PACRGL: variants seen among roughly 807,000 people sequenced by gnomAD.
The protein encoded by PACRGL is PACRG-like protein.
Under a neutral mutation model 34.5 loss-of-function variants are expected in PACRGL, and 38 were observed. The observed-to-expected ratio is 1.10, with a 90% CI of 0.85 to 1.44. PACRGL has a LOEUF of 1.44. Ranked by LOEUF, PACRGL falls within the 40% of genes most tolerant of loss-of-function variation. The probability of loss-of-function intolerance (pLI) is 0.00; values close to 1 mark genes in which losing one functional copy is unlikely to be tolerated. For missense variants in PACRGL, 305 were observed against 281.4 expected (o/e 1.08, Z -0.60); for synonymous variants, 128 against 100.1 (o/e 1.28, Z -1.66).
chr4:20,723,118 A>G (rs1744128844), intron 7 of PACRGL, among the ~76,000 whole-genome samples: 1 of 152,182 alleles, frequency 6.6e-6, no homozygotes, highest in Non-Finnish European at 1.5e-5. Context: ...GTGAGGTTTC[A>G]GGTGAGGAGA....
chr4:20,716,771 G>C, intron 7 of PACRGL, among the ~76,000 whole-genome samples: 1 of 152,124 alleles, frequency 6.6e-6, no homozygotes, highest in Non-Finnish European at 1.5e-5. Context: ...CTTTGCTATT[G>C]TGAATAGTGC....
rs754674116 is a variant in PACRGL at position 20,732,509 on chromosome 4, C to T, written c.*5168C>T. On this transcript the variant is annotated 3_prime_UTR_variant, in exon 9 of 9. Coordinates refer to ENST00000503585, the MANE Select transcript of PACRGL (RefSeq NM_001258345.3). ...GTGAATGTTCAATAAATGCAGTTATCAGCATTGTAAATTCAAAACCAAAGC... is the reference window on the plus strand; with the variant it reads ...GTGAATGTTCAATAAATGCAGTTATTAGCATTGTAAATTCAAAACCAAAGC... Among the ~76,000 whole-genome samples the T allele has an allele frequency of 2.0e-5, 3 of 152,196 alleles. No individual in the cohort carries two copies. Among genetic ancestry groups the T allele is most frequent in the Non-Finnish European group, 2.9e-5 (2 of 68,028 alleles).
upstream of PACRGL, among the ~76,000 whole-genome samples, chr4:20,699,082 G>A (rs1208686144): frequency 6.6e-6 from 1 of 152,164 alleles, no homozygotes; most frequent in Non-Finnish European, 1.5e-5. Context: ...GTCCAGGGAG[G>A]AGGGGTTAAA....
At chr4:20,715,030 T>G (rs1481948229) in intron 7 of PACRGL, among the ~76,000 whole-genome samples, 1 of 152,160 alleles carries the variant, frequency 6.6e-6, no homozygotes, top group African/African-American at 2.4e-5. Context: ...AACCCAAATG[T>G]CCAACAATGG....
intron 8 of PACRGL, among the ~76,000 whole-genome samples, chr4:20,751,479 A>G (rs55847423): frequency 0.18 from 27,029 of 152,042 alleles, 2,545 homozygotes; most frequent in Non-Finnish European, 0.22. Flanking sequence ...CTTGAACTAT[A>G]TAGTGCCCTC....
chr4:20,737,413 T>C (rs929155107), downstream of PACRGL, among the ~76,000 whole-genome samples: 1 of 152,120 alleles, frequency 6.6e-6, no homozygotes, highest in African/African-American at 2.4e-5. Flanking sequence ...GCACTTTGAA[T>C]ACTGAAGAGA....
At chr4:20,766,125 A>G in the PACRGL span, among the ~76,000 whole-genome samples, 5 of 152,190 alleles carry the variant, frequency 3.3e-5, no homozygotes, top group Non-Finnish European at 7.3e-5. Flanking sequence ...AATGTTTTAC[A>G]TGGATTATCT....
chr4:20,718,851 G>A (rs2149147911), intron 7 of PACRGL: 1 of 152,364 alleles, frequency 6.6e-6, no homozygotes, highest in Non-Finnish European at 1.5e-5. Context: ...CTCATAAAAT[G>A]AGTTAGGGAG....
At chr4:20,726,390 CCT>C (rs1279642660) in intron 8 of PACRGL, among the ~76,000 whole-genome samples, 2 of 152,010 alleles carry the variant, frequency 1.3e-5, no homozygotes, top group Non-Finnish European at 2.9e-5. Flanking sequence ...TCTTCTGACT[CCT>C]CTTGTTTCCT....
intron 7 of PACRGL, chr4:20,716,201 T>C (rs779143541): frequency 5.1e-6 from 5 of 973,298 alleles, no homozygotes; most frequent in Non-Finnish European, 6.3e-6. Flanking sequence ...TTACTGGCTG[T>C]TATGGTTTCT....
chr4:20,727,004 T>C (rs75454936), intron 8 of PACRGL, among the ~76,000 whole-genome samples: 2,257 of 152,210 alleles, frequency 0.015, 54 homozygotes, highest in African/African-American at 0.051. Flanking sequence ...CACAGAAAAG[T>C]AATTAGTCCA....
chr4:20,714,107 C>T (rs997929559), intron 7 of PACRGL, among the ~76,000 whole-genome samples: 4 of 152,030 alleles, frequency 2.6e-5, no homozygotes, highest in East Asian at 1.9e-4. Context: ...GTGTTAAAGT[C>T]TCCCATTATT....
chr4:20,732,111 T>C lies in PACRGL; in HGVS notation c.*4770T>C. ...AAAAATTGTATTTAGACTTATCCCT[T>C]AATACCCTCACACCTGGACCAAATG... On this transcript the variant is annotated 3_prime_UTR_variant, in exon 9 of 9. Transcript: ENST00000503585. The C allele has an allele frequency of 7.4e-7, 1 of 1,360,258 alleles. No individual in the cohort carries two copies. The highest frequency in any genetic ancestry group is 1.1e-6 in the Non-Finnish European group (1 of 950,986). 84.3% of individuals were successfully genotyped at this position (1,360,258 alleles called of 1,614,324 possible).
At chr4:20,740,074 A>C (rs1309624545) in intron 8 of PACRGL, among the ~76,000 whole-genome samples, 3 of 152,176 alleles carry the variant, frequency 2.0e-5, no homozygotes, top group Admixed American at 6.5e-5. Flanking sequence ...TCCAGGAAAT[A>C]TGGGACTATG....
intron 7 of PACRGL, among the ~76,000 whole-genome samples, chr4:20,722,195 G>A (rs1434263556): frequency 6.6e-6 from 1 of 152,244 alleles, no homozygotes; most frequent in Non-Finnish European, 1.5e-5. Context: ...TAAGTTGGGA[G>A]TGACTCGATA....
At chr4:20,755,829 A>G (rs893479169), downstream of PACRGL, among the ~76,000 whole-genome samples, 4 of 152,174 alleles carry the variant, frequency 2.6e-5, no homozygotes, top group African/African-American at 9.6e-5. Flanking sequence ...AAGGCCCAGG[A>G]GCAGCATCAT....
At chr4:20,759,643 TAAAA>T in the PACRGL span, among the ~76,000 whole-genome samples, 1 of 151,426 alleles carries the variant, frequency 6.6e-6, no homozygotes, top group Admixed American at 6.6e-5. Context: ...TTTTTGCTAA[TAAAA>T]AAAAGAAAAA....
At chr4:20,713,338 C>T in intron 6 of PACRGL, 94 bp from the exon 7 acceptor site, 1 of 866,424 alleles carries the variant, frequency 1.2e-6, no homozygotes, top group Non-Finnish European at 1.8e-6. Flanking sequence ...ATCCTTTTCT[C>T]TACTTGCTTG....
At chr4:20,718,078 T>G (rs1741034329) in intron 7 of PACRGL, among the ~76,000 whole-genome samples, 1 of 152,158 alleles carries the variant, frequency 6.6e-6, no homozygotes, top group Non-Finnish European at 1.5e-5. Context: ...TTCCTAGGTA[T>G]TTTATTCTCT....
Sources: allele counts gnomAD v4.1 joint callset (sites outside exome capture counted in the v4.1 genomes callset), GRCh38; gene constraint gnomAD v4.1.1; transcripts MANE v1.5; gene names NCBI Gene and HGNC (gene_info 2026-07-23, HGNC 2026-07-21).